PDE4D: variants seen among roughly 807,000 people sequenced by gnomAD.
The protein encoded by PDE4D is phosphodiesterase 4D.
In PDE4D, 24 loss-of-function variants were observed where a neutral mutation model predicts 87.4. The ratio of observed to expected loss-of-function variants is 0.27; its 90% CI spans 0.20 to 0.39. The LOEUF (loss-of-function observed/expected upper bound fraction) is 0.39, where lower values mean the gene tolerates loss of function less well. PDE4D is among the 10% of genes least tolerant of loss of function. The probability of loss-of-function intolerance (pLI) is 1.00; values close to 1 mark genes in which losing one functional copy is unlikely to be tolerated. For missense variants in PDE4D, 714 were observed against 1,041.0 expected, an observed-to-expected ratio of 0.69 and a Z score of 4.32; for synonymous variants, 384 against 383.2, an observed-to-expected ratio of 1.00 and a Z score of -0.02.
chr5:60,424,161 G>C (rs945987137), intron 1 of PDE4D, among the ~76,000 whole-genome samples: 3 of 152,202 alleles, frequency 2.0e-5, no homozygotes, highest in African/African-American at 4.8e-5. Flanking sequence ...AAAAGAAAAA[G>C]AGGGAATCCT....
rs575994571 is a variant in PDE4D, at chr5:60,404,990, G to T, written c.-90+82952C>A. Among the ~76,000 whole-genome samples the T allele has an allele frequency of 2.6e-5, 4 of 152,340 alleles. No homozygotes were observed. The East Asian group carries it at 5.8e-4, about 22-fold the overall frequency. ...CTAGAGTTCAAAGATGCAGCCACCT[G>T]CCCTACCTCATATAATGAAAGAACA... On this transcript the variant is annotated intron_variant, in intron 1 of 16. Coordinates refer to the PDE4D transcript ENST00000502484.
At chr5:59,138,185 A>T (rs1399135316) in intron 5 of PDE4D, among the ~76,000 whole-genome samples, 1 of 152,224 alleles carries the variant, frequency 6.6e-6, no homozygotes, top group Non-Finnish European at 1.5e-5. Flanking sequence ...TGTTTAGTGC[A>T]TGTGTTTCTC....
chr5:60,039,691 C>G (rs536028078), intron 2 of PDE4D, among the ~76,000 whole-genome samples: 2 of 152,018 alleles, frequency 1.3e-5, no homozygotes, highest in South Asian at 2.1e-4. Context: ...AATCCCATGT[C>G]TTTAGTTTAA....
At chr5:59,379,701 C>A (rs954306571) in intron 1 of PDE4D, among the ~76,000 whole-genome samples, 1 of 151,706 alleles carries the variant, frequency 6.6e-6, no homozygotes. Flanking sequence ...ATAGAATATA[C>A]CTAGGTTCTC....
At chr5:59,655,732 T>G (rs912441635) in intron 1 of PDE4D, among the ~76,000 whole-genome samples, 3 of 152,174 alleles carry the variant, frequency 2.0e-5, no homozygotes, top group Non-Finnish European at 4.4e-5. Context: ...AAACAGAAAC[T>G]AAGAACCCAT....
chr5:59,689,964 A>G (rs909928958), intron 1 of PDE4D, among the ~76,000 whole-genome samples: 3 of 152,190 alleles, frequency 2.0e-5, no homozygotes, highest in African/African-American at 7.2e-5. Context: ...ACTCCAATTC[A>G]CAATTGCTTC....
intron 2 of PDE4D, chr5:59,215,552 CGTGTGTGTGTGT>C (rs10693866): frequency 7.1e-4 from 260 of 364,270 alleles, no homozygotes; most frequent in South Asian, 5.1e-3. Context: ...TAAATACATG[CGTGTGTGTGTGT>C]GTGTGTGTGT....
At chr5:60,339,047 GCA>G (rs1758070113) in intron 1 of PDE4D, among the ~76,000 whole-genome samples, 1 of 152,134 alleles carries the variant, frequency 6.6e-6, no homozygotes. Context: ...AGCACTTATT[GCA>G]CACTGTGGCC....
At chr5:59,036,601 A>G (rs1448839473) in intron 6 of PDE4D, among the ~76,000 whole-genome samples, 1 of 152,234 alleles carries the variant, frequency 6.6e-6, no homozygotes, top group Non-Finnish European at 1.5e-5. Flanking sequence ...GTTATGAAGA[A>G]GAAGGGTAAC....
rs982966193 is a variant in PDE4D, at chr5:58,970,713, A to G, written c.*3951T>C. The G allele has an allele frequency of 6.6e-6, 1 of 152,110 alleles. No individual in the cohort carries two copies. Among genetic ancestry groups the G allele is most frequent in the Non-Finnish European group, 1.5e-5 (1 of 68,022 alleles). 9.4% of individuals were successfully genotyped at this position (152,110 alleles called of 1,614,324 possible). A position where few individuals can be genotyped will look rare whatever the true frequency, so the allele number is the denominator to read the frequency against. On this transcript the variant is annotated 3_prime_UTR_variant, in exon 15 of 15. Coordinates refer to ENST00000340635, the MANE Select transcript of PDE4D (RefSeq NM_001104631.2). Reference sequence around the variant, plus strand: ...AAAAATTTTAGGATTAAAAAACAGTATTTTCTCTTTAATGTATTCTCTTAA... The same window carrying G: ...AAAAATTTTAGGATTAAAAAACAGTGTTTTCTCTTTAATGTATTCTCTTAA...
chr5:59,830,845 A>C (rs1008276992), intron 1 of PDE4D, among the ~76,000 whole-genome samples: 1 of 152,100 alleles, frequency 6.6e-6, no homozygotes, highest in Non-Finnish European at 1.5e-5. Context: ...TTCTTTTCTA[A>C]CTATAGAAAT....
At chr5:59,989,105 TATATATATATACACAC>T (rs1163258877) in intron 2 of PDE4D, among the ~76,000 whole-genome samples, 4 of 95,766 alleles carry the variant, frequency 4.2e-5, no homozygotes, top group South Asian at 4.2e-4. Flanking sequence ...TATATATATA[TATATATATATACACAC>T]ACACACATAC....
chr5:59,344,877 G>A lies in PDE4D; in HGVS notation c.456-128909C>T, dbSNP rs186600005. 3.3e-5 allele frequency among the ~76,000 whole-genome samples: 5 copies of A among 152,158 alleles called. No homozygotes were observed. The East Asian group carries it at 9.7e-4, about 29-fold the overall frequency. On this transcript the variant is annotated intron_variant, in intron 1 of 14. Transcript: ENST00000340635. ...GGATTTTGAAAGCTTTAAGAAATGG[G>A]ACCCACAGTTATCACACATACTAAA...
intron 5 of PDE4D, among the ~76,000 whole-genome samples, chr5:59,127,885 A>G (rs1262310071): frequency 6.6e-6 from 1 of 151,952 alleles, no homozygotes. Flanking sequence ...TCCACCAGAC[A>G]GTCTCCTTCT....
At chr5:59,829,244 TTAGAA>T (rs1194483255) in intron 1 of PDE4D, among the ~76,000 whole-genome samples, 1 of 151,944 alleles carries the variant, frequency 6.6e-6, no homozygotes, top group Non-Finnish European at 1.5e-5. Context: ...ATAGCACACA[TTAGAA>T]TAGATACTTT....
intron 3 of PDE4D, among the ~76,000 whole-genome samples, chr5:59,904,599 ACTTTT>A (rs1407031241): frequency 6.6e-6 from 1 of 152,176 alleles, no homozygotes; most frequent in Non-Finnish European, 1.5e-5. Context: ...CAAATGTGAT[ACTTTT>A]CAGCGTACCA....
intron 6 of PDE4D, among the ~76,000 whole-genome samples, chr5:59,029,095 C>G (rs1157988585): frequency 6.6e-6 from 1 of 151,848 alleles, no homozygotes; most frequent in Non-Finnish European, 1.5e-5. Context: ...AGAAAATAAT[C>G]CCATTTGCAA....
At chr5:59,792,402 C>CTGTGTGTGTGTGTG (rs3062592) in intron 1 of PDE4D, among the ~76,000 whole-genome samples, 6,701 of 138,706 alleles carry the variant, frequency 0.048, 241 homozygotes, top group African/African-American at 0.09. Context: ...CTCCAAGAAG[C>CTGTGTGTGTGTGTG]TGTGTGTGTG....
Position 59,663,469 on chromosome 5 carries a change from C to A in PDE4D, c.455+229699G>T, listed in dbSNP as rs1745582392. Among the ~76,000 whole-genome samples, 2 of 152,092 alleles carry A rather than the reference C, an allele frequency of 1.3e-5. 1 individual carries two copies. Among genetic ancestry groups the A allele is most frequent in the South Asian group, 4.2e-4 (2 of 4,818 alleles). ...AACAGGCATGAGCCATCGTGCCCAG[C>A]CTCTGTTGATATTTTTCAAATAGAA... On this transcript the variant is annotated intron_variant, in intron 1 of 14. Coordinates refer to ENST00000340635, the MANE Select transcript of PDE4D (RefSeq NM_001104631.2).
Sources: gnomAD v4.1 joint callset for allele counts (sites outside exome capture counted in the v4.1 genomes callset) on GRCh38, gnomAD v4.1.1 for gene constraint, MANE v1.5 for transcripts, NCBI Gene and HGNC (gene_info 2026-07-23, HGNC 2026-07-21) for gene names.